The following COL7A1 variants were observed in gnomAD, a reference collection of about 807,000 sequenced individuals.
COL7A1 encodes the protein collagen alpha-1(VII) chain.
In COL7A1, 296 loss-of-function variants were observed where a neutral mutation model predicts 456.2. The ratio of observed to expected loss-of-function variants is 0.65; its 90% CI spans 0.59 to 0.71. The LOEUF (loss-of-function observed/expected upper bound fraction) is 0.71, where lower values mean the gene tolerates loss of function less well. COL7A1 is among the 30% of genes least tolerant of loss of function. The pLI, the probability that COL7A1 is intolerant of heterozygous loss-of-function variation, is 0.00. For missense variants in COL7A1, 3,441 were observed against 4,017.2 expected (o/e 0.86, Z 3.88); for synonymous variants, 1,464 against 1,525.9 (o/e 0.96, Z 0.95).
chr3:48,582,038 A>AG, intron 47 of COL7A1, 95 bp from the exon 48 acceptor site: 1 of 1,561,564 alleles, frequency 6.4e-7, no homozygotes, highest in Non-Finnish European at 8.8e-7. Flanking sequence ...ATTGGAAGTC[A>AG]TACAGCTCAG....
Position 48,582,336 on chromosome 3 carries a change from TC to T in COL7A1, c.4621del (p.Asp1541ThrfsTer169), listed in dbSNP as rs1272238711. On this transcript the variant is annotated frameshift_variant, in exon 47 of 119. Transcript: ENST00000681320. LOFTEE classifies it high-confidence loss of function. ...CCCGTCACTCACCACCACTGCAGGG[TC>T]CCCAGGGCGACCAGGCTCCCCCTGT... is the stretch of plus-strand genomic sequence containing the variant. ...GEKGEPGRPG[D>X]PAVVGPAVAG... is the part of the protein sequence containing the mutation. 10 of 1,613,582 alleles carry T rather than the reference TC, an allele frequency of 6.2e-6. No homozygotes were observed. Among genetic ancestry groups the T allele is most frequent in the Non-Finnish European group, 7.6e-6 (9 of 1,179,950 alleles).
In COL7A1 at chr3:48,570,705, C is replaced by A. The variant is rs776740643; in HGVS notation, c.7278G>T (p.Leu2426=). ...GQPGPSGERG[L]AGPPGREGIP... is the part of the protein sequence containing the mutation. ...TTCCTTCTCTCCCTGGGGGGCCTGCCAGACCCTACCAGAAAAATGGGGCAA... is the reference window on the plus strand; with the variant it reads ...TTCCTTCTCTCCCTGGGGGGCCTGCAAGACCCTACCAGAAAAATGGGGCAA... The change falls in exon 96 of 119, where the codon CTG becomes CTT. Residue 2426 remains leucine, a synonymous_variant. Coordinates refer to ENST00000681320, the MANE Select transcript of COL7A1 (RefSeq NM_000094.4). This position sits in a 1 kb window ranked among gnomAD's most constrained non-coding sequence, Gnocchi z 5.5. The A allele has an allele frequency of 2.5e-6, 4 of 1,575,604 alleles. No homozygotes were observed. Among genetic ancestry groups the A allele is most frequent in the Non-Finnish European group, 3.4e-6 (4 of 1,159,522 alleles).
At position 48,572,965 on chromosome 3, in the gene COL7A1, G is replaced by A. The variant is rs762006365; in HGVS notation, c.6751-23C>T. ...CCCCTGAGAGGGAAGAGCTCTGTCA[G>A]GGCTGCCTGTCGACCCTTGACCCCT... On this transcript the variant is annotated intron_variant, in intron 86 of 118. Transcript: ENST00000681320. The surrounding 1 kb of genome is among the most constrained non-coding windows in gnomAD (Gnocchi z 4.6). 26 of 1,613,916 alleles carry A rather than the reference G, an allele frequency of 1.6e-5. No homozygotes were observed. The highest frequency in any genetic ancestry group is 2.2e-5 in the Non-Finnish European group (26 of 1,180,008).
Position 48,568,826 on chromosome 3 carries a change from G to A in COL7A1, c.7716C>T (p.Gly2572=). 1 of 1,577,208 alleles carries A rather than the reference G, an allele frequency of 6.3e-7. No homozygotes were observed. Among genetic ancestry groups the A allele is most frequent in the Non-Finnish European group, 8.6e-7 (1 of 1,160,356 alleles). ...CACGCAGTCCTGGCAACCCGGCTGA[G>A]CCCTTGTCACCAGGCTCTCCCTTGC... ...KGSKGEPGDK[G]SAGLPGLRGL... is the part of the protein sequence containing the mutation. Residue 2572 remains glycine, a synonymous_variant, in exon 104 of 119, where the codon GGC becomes GGT. Coordinates refer to ENST00000681320, the MANE Select transcript of COL7A1 (RefSeq NM_000094.4). The surrounding 1 kb of genome is among the most constrained non-coding windows in gnomAD (Gnocchi z 5.2).
In COL7A1 at chr3:48,575,701, A is replaced by C. The variant is rs1429626300; in HGVS notation, c.5904T>G (p.Gly1968=). The change falls in exon 73 of 119, where the codon GGT becomes GGG. Residue 1968 remains glycine, a synonymous_variant. Transcript: ENST00000681320. This position sits in a 1 kb window ranked among gnomAD's most constrained non-coding sequence, Gnocchi z 6.3. ...EIVETWDESS[G]SFLPVPERRR... ...GCCGTTCGGGCACAGGCAGGAAGCT[A>C]CCAGAGCTCTCATCCCAGGTCTCCA... The C allele has an allele frequency of 3.7e-6, 6 of 1,613,708 alleles. No individual in the cohort carries two copies. Among genetic ancestry groups the C allele is most frequent in the Non-Finnish European group, 5.1e-6 (6 of 1,180,004 alleles).
intron 46 of COL7A1, 44 bp from the exon 47 acceptor site, chr3:48,582,402 T>G: frequency 1.9e-6 from 3 of 1,614,030 alleles, no homozygotes; most frequent in Non-Finnish European, 2.5e-6. Context: ...GGGAGTCACC[T>G]AGGAGCCCAA....
Position 48,565,073 on chromosome 3 carries a change from C to T in COL7A1, c.8620+36G>A, listed in dbSNP as rs1378993876. The T allele has an allele frequency of 2.0e-6, 3 of 1,532,946 alleles. No homozygotes were observed. The highest frequency in any genetic ancestry group is 3.9e-5 in the Admixed American group (2 of 51,254). 95.0% of individuals were successfully genotyped at this position (1,532,946 alleles called of 1,614,324 possible). On this transcript the variant is annotated intron_variant, in intron 117 of 118. Coordinates refer to ENST00000681320, the MANE Select transcript of COL7A1 (RefSeq NM_000094.4). This position sits in a 1 kb window ranked among gnomAD's most constrained non-coding sequence, Gnocchi z 4.5. ...TCAGCAGGGCTCAGCCCTGCCTGCCCCTCCCCAGACCCCGCTGGCAGCCCC... is the reference window on the plus strand; with the variant it reads ...TCAGCAGGGCTCAGCCCTGCCTGCCTCTCCCCAGACCCCGCTGGCAGCCCC...
rs566647835 is a variant in COL7A1 at position 48,568,350 on chromosome 3, C to A, written c.7794+149G>T. The A allele has an allele frequency of 2.9e-6, 3 of 1,049,774 alleles. No individual in the cohort carries two copies. Among genetic ancestry groups the A allele is most frequent in the South Asian group, 1.4e-5 (1 of 71,834 alleles). 65.0% of individuals were successfully genotyped at this position (1,049,774 alleles called of 1,614,324 possible). On this transcript the variant is annotated intron_variant, in intron 105 of 118. Transcript: ENST00000681320. This position sits in a 1 kb window ranked among gnomAD's most constrained non-coding sequence, Gnocchi z 5.2. ...CAGGGGACACCATCATAGGCGGCTACTGTGGAGGTGGGGGACCCTGGGTGA... is the reference window on the plus strand; with the variant it reads ...CAGGGGACACCATCATAGGCGGCTAATGTGGAGGTGGGGGACCCTGGGTGA...
rs2045846341 is a variant in COL7A1 at position 48,593,338 on chromosome 3, CT to C, written c.520+17del. 6.2e-7 allele frequency: 1 copy of C among 1,613,956 alleles called. No homozygotes were observed. Among genetic ancestry groups the C allele is most frequent in the African/African-American group, 1.3e-5 (1 of 74,918 alleles). ...CCCCCACCCCCCAGCTGACCTGTCA[CT>C]CCTGCTCGGTCCTTACCCACAGCAA... On this transcript the variant is annotated intron_variant, in intron 5 of 118. Coordinates refer to ENST00000681320, the MANE Select transcript of COL7A1 (RefSeq NM_000094.4). The surrounding 1 kb of genome is among the most constrained non-coding windows in gnomAD (Gnocchi z 4.4).
Position 48,593,402 on chromosome 3 carries a change from T to G in COL7A1, c.474A>C (p.Thr158=), listed in dbSNP as rs1227413097. The G allele has an allele frequency of 1.1e-5, 18 of 1,614,010 alleles. No individual in the cohort carries two copies. The highest frequency in any genetic ancestry group is 4.5e-5 in the East Asian group (2 of 44,890). Residue 158 remains threonine (T), a synonymous_variant, in exon 5 of 119, where the codon ACA becomes ACC. Transcript: ENST00000681320. The surrounding 1 kb of genome is among the most constrained non-coding windows in gnomAD (Gnocchi z 4.4). ...CCTGCCCCTTCAGCCTTTGGGCAGC[T>G]GTGTCCACCAGGTCCTGGGACTTCC... ...TDGKSQDLVD[T]AAQRLKGQGV...
Position 48,568,975 on chromosome 3 carries a change from G to A in COL7A1, c.7687-120C>T, listed in dbSNP as rs373935760. On this transcript the variant is annotated intron_variant, in intron 103 of 118. Coordinates refer to ENST00000681320, the MANE Select transcript of COL7A1 (RefSeq NM_000094.4). The surrounding 1 kb of genome is among the most constrained non-coding windows in gnomAD (Gnocchi z 5.2). Reference sequence around the variant, plus strand: ...CACTCCCGAACGGCCCTAGCAGCACGTCCTCCCAGCCTGTGCCATAGCGGG... The same window carrying A: ...CACTCCCGAACGGCCCTAGCAGCACATCCTCCCAGCCTGTGCCATAGCGGG... 18 of 950,454 alleles carry A rather than the reference G, an allele frequency of 1.9e-5. No homozygotes were observed. The highest frequency in any genetic ancestry group is 1.6e-4 in the African/African-American group (10 of 61,784). The allele number at this position is 950,454 out of a possible 1,614,324, so 58.9% of individuals were successfully genotyped here.
At position 48,575,683 on chromosome 3, in the gene COL7A1, G is replaced by C. The variant is rs766316585; in HGVS notation, c.5922C>G (p.Pro1974=). ...CCCCCTTGGGGCCTCGACGCCGTTCGGGCACAGGCAGGAAGCTACCAGAGC... is the reference window on the plus strand; with the variant it reads ...CCCCCTTGGGGCCTCGACGCCGTTCCGGCACAGGCAGGAAGCTACCAGAGC... The part of the protein sequence containing the change: ...DESSGSFLPV[P]ERRRGPKGDS... The change falls in exon 73 of 119, where the codon CCC becomes CCG. Residue 1974 remains proline, a synonymous_variant. Transcript: ENST00000681320. The surrounding 1 kb of genome is among the most constrained non-coding windows in gnomAD (Gnocchi z 6.3). The C allele has an allele frequency of 1.2e-6, 2 of 1,613,672 alleles. No individual in the cohort carries two copies. The highest frequency in any genetic ancestry group is 8.5e-7 in the Non-Finnish European group (1 of 1,180,012).
chr3:48,576,899 G>A lies in COL7A1; in HGVS notation c.5589C>T (p.Gly1863=), dbSNP rs201871749. The change falls in exon 67 of 119, where the codon GGC becomes GGT. Residue 1863 remains glycine, a synonymous_variant. Transcript: ENST00000681320. ...DGRKGEKGDS[G]ASGREGRDGP... is the part of the protein sequence containing the mutation. ...CAATACTCACTTCTCTCCCAGAGGC[G>A]CCTGAATCTCCTTTCTCTCCCTAAG... The A allele has an allele frequency of 8.7e-6, 14 of 1,614,046 alleles. No individual in the cohort carries two copies. Among genetic ancestry groups the A allele is most frequent in the South Asian group, 6.6e-5 (6 of 91,080 alleles).
At position 48,593,077 on chromosome 3, in the gene COL7A1, G is replaced by T; in HGVS notation, c.682+25C>A. 6.2e-7 allele frequency: 1 copy of T among 1,614,094 alleles called. No individual in the cohort carries two copies. Among genetic ancestry groups the T allele is most frequent in the Middle Eastern group, 1.7e-4 (1 of 6,054 alleles). On this transcript the variant is annotated intron_variant, in intron 6 of 118. Coordinates refer to ENST00000681320, the MANE Select transcript of COL7A1 (RefSeq NM_000094.4). The surrounding 1 kb of genome is among the most constrained non-coding windows in gnomAD (Gnocchi z 4.4). ...ATTGGGGTCCGGGGTCTAGGTCAGGGTACACCGTGTGGGCAGGAACTCACG... is the reference window on the plus strand; with the variant it reads ...ATTGGGGTCCGGGGTCTAGGTCAGGTTACACCGTGTGGGCAGGAACTCACG...
At position 48,585,085 on chromosome 3, in the gene COL7A1, C is replaced by A. The variant is rs1160045255; in HGVS notation, c.3926G>T (p.Ser1309Ile). ...GFPGADGRPG[S>I]PGRAGNPGTP... ...CCCAGGATTCCCGGCGCGGCCAGGG[C>A]TGCCTGGACGCCCATCTGCTCCAGG... Residue 1309 changes from serine to isoleucine, a missense_variant, in exon 33 of 119, where the codon AGC becomes ATC. Physicochemically the swap from Ser to Ile is moderately radical, Grantham distance 142 (BLOSUM62 -2). Around this residue, in one of 3 missense-constraint regions of COL7A1, gnomAD observed 2,084 missense variants for 2,501.3 expected, o/e 0.83. Transcript: ENST00000681320. The surrounding 1 kb of genome is among the most constrained non-coding windows in gnomAD (Gnocchi z 4.5). 6.2e-7 allele frequency: 1 copy of A among 1,612,064 alleles called. No homozygotes were observed. The highest frequency in any genetic ancestry group is 8.5e-7 in the Non-Finnish European group (1 of 1,179,834).
chr3:48,567,430 GAC>G lies in COL7A1; in HGVS notation c.8046+142_8046+143del, dbSNP rs2043655925. The G allele has an allele frequency of 9.9e-6, 12 of 1,207,538 alleles. No homozygotes were observed. The highest frequency in any genetic ancestry group is 1.4e-5 in the Non-Finnish European group (12 of 831,936). 74.8% of individuals were successfully genotyped at this position (1,207,538 alleles called of 1,614,324 possible). On this transcript the variant is annotated intron_variant, in intron 109 of 118. Coordinates refer to ENST00000681320, the MANE Select transcript of COL7A1 (RefSeq NM_000094.4). This position sits in a 1 kb window ranked among gnomAD's most constrained non-coding sequence, Gnocchi z 4.3. ...CTCCACTGTGACCCCAACCCACCTT[GAC>G]ACCTCGAGACCAGCCCCACTTCAGC...
In COL7A1 at chr3:48,575,873, G is replaced by A. The variant is rs767379643; in HGVS notation, c.5850C>T (p.Gly1950=). 3.7e-6 allele frequency: 6 copies of A among 1,614,020 alleles called. No homozygotes were observed. The highest frequency in any genetic ancestry group is 5.1e-6 in the Non-Finnish European group (6 of 1,180,038). ...CAGCCCCTAAACAACCCACCTTGAT[G>A]CCAGCAGTTTCCAGCAACCGATCCA... The part of the protein sequence containing the change: ...PNVDRLLETA[G]IKASALREIV... Residue 1950 remains glycine (G), a synonymous_variant, in exon 72 of 119, where the codon GGC becomes GGT. Transcript: ENST00000681320. The surrounding 1 kb of genome is among the most constrained non-coding windows in gnomAD (Gnocchi z 6.3).
chr3:48,583,487 T>C lies in COL7A1; in HGVS notation c.4402-59A>G, dbSNP rs1005252586. 2.5e-6 allele frequency: 4 copies of C among 1,613,764 alleles called. No individual in the cohort carries two copies. Among genetic ancestry groups the C allele is most frequent in the African/African-American group, 1.3e-5 (1 of 75,006 alleles). ...GGGTTTGGGCATGAGGATGGAGCAG[T>C]GGTTGATGATTGAGGTAGGGGCTGG... On this transcript the variant is annotated intron_variant, in intron 41 of 118. Coordinates refer to ENST00000681320, the MANE Select transcript of COL7A1 (RefSeq NM_000094.4). The surrounding 1 kb of genome is among the most constrained non-coding windows in gnomAD (Gnocchi z 5.1).
rs568402853 is a variant in COL7A1 at position 48,588,012 on chromosome 3, C to T, written c.2711-73G>A. On this transcript the variant is annotated intron_variant, in intron 21 of 118. Coordinates refer to ENST00000681320, the MANE Select transcript of COL7A1 (RefSeq NM_000094.4). The surrounding 1 kb of genome is among the most constrained non-coding windows in gnomAD (Gnocchi z 4.6). ...ACCTGGGGGCATTAAAGGGCCTGCCCACTTCACTGGCTCTGTTAACTGGGT... is the reference window on the plus strand; with the variant it reads ...ACCTGGGGGCATTAAAGGGCCTGCCTACTTCACTGGCTCTGTTAACTGGGT... The T allele has an allele frequency of 2.0e-6, 3 of 1,500,514 alleles. No homozygotes were observed. The highest frequency in any genetic ancestry group is 2.0e-5 in the Admixed American group (1 of 50,558). The allele number at this position is 1,500,514 out of a possible 1,614,324, so 92.9% of individuals were successfully genotyped here.
Sources: allele counts gnomAD v4.1 joint callset, GRCh38; gene constraint gnomAD v4.1.1; regional missense constraint gnomAD v4.1.1; non-coding constraint Gnocchi (gnomAD v3.1); transcripts MANE v1.5; gene names NCBI Gene and HGNC (gene_info 2026-07-23, HGNC 2026-07-21).